Variants in DSCAML1 observed in about 807,000 individuals in gnomAD.
The protein encoded by DSCAML1 is DS cell adhesion molecule like 1, also known as cell adhesion molecule DSCAML1.
A neutral mutation model predicts 200.5 loss-of-function variants in DSCAML1; 38 were observed. That is an observed-to-expected ratio of 0.19 (90% CI 0.15 to 0.25). DSCAML1 has a LOEUF of 0.25. Among genes scored for constraint, DSCAML1 ranks in the 10% least tolerant of loss-of-function variants. DSCAML1 has a pLI of 1.00. For synonymous variants in DSCAML1, 1,215 were observed against 1,165.0 expected, an observed-to-expected ratio of 1.04 and a Z score of -0.87; for missense variants, 2,223 against 2,858.8, an observed-to-expected ratio of 0.78 and a Z score of 5.07.
intron 1 of DSCAML1, among the ~76,000 whole-genome samples, chr11:117,810,341 G>GGGGA (rs2055750849): frequency 8.6e-5 from 13 of 151,636 alleles, no homozygotes; most frequent in African/African-American, 2.7e-4. Flanking sequence ...CGCTTTTCTA[G>GGGGA]GGGGCAAGAA....
chr11:117,456,318 C>T (rs1311324146), intron 19 of DSCAML1, among the ~76,000 whole-genome samples: 1 of 152,192 alleles, frequency 6.6e-6, no homozygotes, highest in Admixed American at 6.5e-5. Flanking sequence ...CTCAGGACTT[C>T]TTGCTATGTG....
At chr11:117,700,483 T>C (rs2053648440) in intron 3 of DSCAML1, among the ~76,000 whole-genome samples, 1 of 152,120 alleles carries the variant, frequency 6.6e-6, no homozygotes, top group Non-Finnish European at 1.5e-5. Context: ...GCCCAGCCAG[T>C]TCGAACCCAC....
At chr11:117,807,502 G>A (rs1294635863) in intron 1 of DSCAML1, among the ~76,000 whole-genome samples, 1 of 152,210 alleles carries the variant, frequency 6.6e-6, no homozygotes, top group Non-Finnish European at 1.5e-5. Context: ...GAGATTCACC[G>A]CACTTCTCAT....
intron 4 of DSCAML1, among the ~76,000 whole-genome samples, chr11:117,532,170 C>G (rs1430801774): frequency 6.7e-6 from 1 of 149,162 alleles, no homozygotes; most frequent in African/African-American, 2.5e-5. Context: ...GAGGGTGAGT[C>G]TCGTAGCCTC....
intron 17 of DSCAML1, among the ~76,000 whole-genome samples, chr11:117,464,436 G>C (rs2048538929): frequency 6.6e-6 from 1 of 152,090 alleles, no homozygotes; most frequent in Non-Finnish European, 1.5e-5. Context: ...CAGAGTGTGG[G>C]GTTCTCTCCA....
intron 3 of DSCAML1, among the ~76,000 whole-genome samples, chr11:117,710,201 G>T (rs1187878385): frequency 6.6e-6 from 1 of 152,150 alleles, no homozygotes; most frequent in Non-Finnish European, 1.5e-5. Flanking sequence ...TCACTGAGAT[G>T]TCCCTGCTAA....
chr11:117,479,000 G>A (rs2137205315), intron 14 of DSCAML1, among the ~76,000 whole-genome samples: 1 of 152,350 alleles, frequency 6.6e-6, no homozygotes, highest in South Asian at 2.1e-4. Flanking sequence ...AAAGATGACT[G>A]ACCCAGGTCC....
At chr11:117,643,724 C>T (rs1386116534) in intron 3 of DSCAML1, among the ~76,000 whole-genome samples, 3 of 152,068 alleles carry the variant, frequency 2.0e-5, no homozygotes, top group Non-Finnish European at 4.4e-5. Flanking sequence ...AAACAATGCT[C>T]GGGTGATCAC....
intron 3 of DSCAML1, among the ~76,000 whole-genome samples, chr11:117,631,872 A>C (rs1236033218): frequency 1.3e-5 from 2 of 152,174 alleles, no homozygotes; most frequent in Non-Finnish European, 2.9e-5. Context: ...CCCTAAGCTA[A>C]GGAGAGAAGG....
intron 1 of DSCAML1, among the ~76,000 whole-genome samples, chr11:117,789,514 G>A (rs954107445): frequency 6.6e-6 from 1 of 152,182 alleles, no homozygotes; most frequent in Non-Finnish European, 1.5e-5. Context: ...CAGCATCCCA[G>A]CTGGGGCTAC....
At chr11:117,603,532 A>G (rs986703802) in intron 3 of DSCAML1, among the ~76,000 whole-genome samples, 6 of 152,234 alleles carry the variant, frequency 3.9e-5, no homozygotes, top group African/African-American at 1.4e-4. Flanking sequence ...ATCAAATGAG[A>G]TAGTGGATAT....
intron 18 of DSCAML1, among the ~76,000 whole-genome samples, 164 bp downstream of exon 18, chr11:117,461,286 A>C (rs1027348878): frequency 6.6e-6 from 1 of 150,848 alleles, no homozygotes; most frequent in Non-Finnish European, 1.5e-5. Context: ...CCCGGCCCCT[A>C]TAGCCATTAT....
At chr11:117,586,489 C>T (rs372167627) in intron 3 of DSCAML1, among the ~76,000 whole-genome samples, 1 of 152,340 alleles carries the variant, frequency 6.6e-6, no homozygotes, top group African/African-American at 2.4e-5. Flanking sequence ...TTCTTTGACA[C>T]CAAGAAGCTG....
At chr11:117,702,628 G>A (rs577769888) in intron 3 of DSCAML1, among the ~76,000 whole-genome samples, 1 of 151,976 alleles carries the variant, frequency 6.6e-6, no homozygotes, top group Non-Finnish European at 1.5e-5. Flanking sequence ...GCGCATAGTA[G>A]GTATTCAGTA....
intron 1 of DSCAML1, among the ~76,000 whole-genome samples, chr11:117,806,751 G>T (rs2134087329): frequency 6.6e-6 from 1 of 152,316 alleles, no homozygotes; most frequent in East Asian, 1.9e-4. Context: ...GACTTTGGTG[G>T]TGGTGGTAGT....
In DSCAML1 at chr11:117,699,676, C is replaced by T. The variant is rs760389302; in HGVS notation, c.511+77115G>A. On this transcript the variant is annotated intron_variant, in intron 3 of 32. Coordinates refer to ENST00000651296, the MANE Select transcript of DSCAML1 (RefSeq NM_020693.4). ...GCCCAGAGGCACAGAGCCGGGCCAT[C>T]CCCGCCCAGTACCCACAGTGGCTCT... 9.2e-5 allele frequency among the ~76,000 whole-genome samples: 14 copies of T among 152,330 alleles called. 1 individual carries two copies. Among genetic ancestry groups the T allele is most frequent in the South Asian group, 8.3e-4 (4 of 4,818 alleles).
chr11:117,592,531 C>G (rs990803732), intron 3 of DSCAML1, among the ~76,000 whole-genome samples: 1 of 152,108 alleles, frequency 6.6e-6, no homozygotes, highest in African/African-American at 2.4e-5. Flanking sequence ...GCCCCATAAC[C>G]CCTGATATCT....
rs1040251792 is a variant in DSCAML1 at position 117,463,727 on chromosome 11, C to A, written c.3265+1215G>T. On this transcript the variant is annotated intron_variant, in intron 17 of 32. Transcript: ENST00000651296. The surrounding 1 kb of genome is among the most constrained non-coding windows in gnomAD (Gnocchi z 4.0). ...GGCTCTCCTCCCTCCCCCTGGACTT[C>A]TCTGCCACGTGCCTCTTTCCTTCTT... is the stretch of plus-strand genomic sequence containing the variant. Among the ~76,000 whole-genome samples the A allele has an allele frequency of 1.3e-5, 2 of 152,216 alleles. No homozygotes were observed. Among genetic ancestry groups the A allele is most frequent in the Non-Finnish European group, 1.5e-5 (1 of 68,046 alleles).
chr11:117,596,009 A>T (rs1358561791), intron 3 of DSCAML1, among the ~76,000 whole-genome samples: 1 of 152,238 alleles, frequency 6.6e-6, no homozygotes, highest in Admixed American at 6.5e-5. Flanking sequence ...ATGAATGACC[A>T]CATTCAGCAT....
Sources: gnomAD v4.1 joint callset for allele counts (sites outside exome capture counted in the v4.1 genomes callset) on GRCh38, gnomAD v4.1.1 for gene constraint, Gnocchi (gnomAD v3.1) non-coding constraint, MANE v1.5 for transcripts, NCBI Gene and HGNC (gene_info 2026-07-23, HGNC 2026-07-21) for gene names.